DDAH1: variants seen among roughly 807,000 people sequenced by gnomAD.
DDAH1 encodes N(G),N(G)-dimethylarginine dimethylaminohydrolase 1.
A neutral mutation model predicts 28.8 loss-of-function variants in DDAH1; 19 were observed. The ratio of observed to expected loss-of-function variants is 0.66; its 90% confidence interval spans 0.46 to 0.97. The LOEUF (loss-of-function observed/expected upper bound fraction) is 0.97, where lower values mean the gene tolerates loss of function less well. DDAH1 is among the 50% of genes least tolerant of loss of function. The probability of loss-of-function intolerance (pLI) is 0.00; values close to 1 mark genes in which losing one functional copy is unlikely to be tolerated. For synonymous variants in DDAH1, 153 were observed against 154.4 expected (o/e 0.99, Z 0.07); for missense variants, 326 against 375.9 (o/e 0.87, Z 1.10).
chr1:85,540,825 T>C (rs760804190), intron 1 of DDAH1, among the ~76,000 whole-genome samples: 20 of 152,012 alleles, frequency 1.3e-4, no homozygotes, highest in Non-Finnish European at 2.8e-4. Flanking sequence ...CTGGGCGTGG[T>C]GGTGCATGCC....
intron 2 of DDAH1, among the ~76,000 whole-genome samples, chr1:85,487,184 C>G (rs1656234524): frequency 6.6e-6 from 1 of 152,144 alleles, no homozygotes; most frequent in South Asian, 2.1e-4. Context: ...GACTTCCAAC[C>G]AAGGGAAGTT....
chr1:85,476,470 G>A (rs1655809237), intron 2 of DDAH1, among the ~76,000 whole-genome samples: 2 of 152,088 alleles, frequency 1.3e-5, no homozygotes, highest in Non-Finnish European at 2.9e-5. Context: ...GTGCCTCAGT[G>A]TTGTTCAGCC....
chr1:85,505,061 C>T (rs1262541771), intron 1 of DDAH1, among the ~76,000 whole-genome samples: 1 of 131,174 alleles, frequency 7.6e-6, no homozygotes, highest in Non-Finnish European at 1.6e-5. Context: ...TCTCGGCTCA[C>T]TGCAACCTCC....
intron 4 of DDAH1, among the ~76,000 whole-genome samples, chr1:85,348,553 T>C (rs1282215378): frequency 6.6e-6 from 1 of 152,208 alleles, no homozygotes; most frequent in Non-Finnish European, 1.5e-5. Context: ...CAATGTACTT[T>C]GCTCAGTCTT....
At chr1:85,550,818 A>G (rs1053961090) in intron 1 of DDAH1, among the ~76,000 whole-genome samples, 1 of 152,186 alleles carries the variant, frequency 6.6e-6, no homozygotes, top group African/African-American at 2.4e-5. Context: ...AGGCTTAAGA[A>G]GGCAGACGTG....
At chr1:85,484,772 C>A (rs1394294360) in intron 2 of DDAH1, among the ~76,000 whole-genome samples, 1 of 152,172 alleles carries the variant, frequency 6.6e-6, no homozygotes, top group Non-Finnish European at 1.5e-5. Flanking sequence ...CGCTCAGTAA[C>A]CCTATCACCA....
chr1:85,447,964 G>C (rs1654508786), intron 1 of DDAH1: 1 of 152,260 alleles, frequency 6.6e-6, no homozygotes, highest in Non-Finnish European at 1.5e-5. Flanking sequence ...ACAGTGCTGT[G>C]TGTTCAGCAG....
chr1:85,495,878 C>T (rs932736711), intron 2 of DDAH1: 2 of 152,150 alleles, frequency 1.3e-5, no homozygotes, highest in Admixed American at 1.3e-4. Flanking sequence ...GACGCTTAAT[C>T]CTGAAATGAA....
rs11809702 is a variant in DDAH1 at position 85,334,490 on chromosome 1, G to T, written c.598-9607C>A. On this transcript the variant is annotated intron_variant, in intron 4 of 5. Coordinates refer to ENST00000284031, the MANE Select transcript of DDAH1 (RefSeq NM_012137.4). Reference sequence around the variant, plus strand: ...ATTGTAATTCCCAATGTTGGGGGAGGGACCCGGAGGGAGATGATTGGTCAT... The same window carrying T: ...ATTGTAATTCCCAATGTTGGGGGAGTGACCCGGAGGGAGATGATTGGTCAT... Among the ~76,000 whole-genome samples the T allele has an allele frequency of 4.5e-3, 685 of 152,290 alleles. 2 individuals carry two copies. Among genetic ancestry groups the T allele is most frequent in the African/African-American group, 0.016 (660 of 41,552 alleles).
intron 1 of DDAH1, among the ~76,000 whole-genome samples, chr1:85,364,633 C>T (rs1038515525): frequency 2.0e-5 from 3 of 151,938 alleles, no homozygotes; most frequent in Non-Finnish European, 4.4e-5. Flanking sequence ...CTGCAACCTT[C>T]GCCTCCCAGG....
At chr1:85,409,118 T>C (rs930338928) in intron 1 of DDAH1, among the ~76,000 whole-genome samples, 2 of 152,032 alleles carry the variant, frequency 1.3e-5, no homozygotes, top group African/African-American at 4.8e-5. Context: ...CTTAAAACAT[T>C]ATGAGATTTT....
At chr1:85,328,598 C>T (rs553062224) in intron 4 of DDAH1, among the ~76,000 whole-genome samples, 1 of 152,176 alleles carries the variant, frequency 6.6e-6, no homozygotes, top group Non-Finnish European at 1.5e-5. Flanking sequence ...GACGGTCATC[C>T]TGTCACATGA....
chr1:85,548,946 G>A (rs1367247102), intron 1 of DDAH1, among the ~76,000 whole-genome samples: 2 of 152,084 alleles, frequency 1.3e-5, no homozygotes, highest in Admixed American at 6.6e-5. Context: ...AGAGCCTGGG[G>A]TACCCTGAAA....
At chr1:85,399,713 C>T (rs925323275) in intron 1 of DDAH1, 7 of 152,204 alleles carry the variant, frequency 4.6e-5, no homozygotes, top group African/African-American at 1.4e-4. Context: ...TAATAGTTTC[C>T]TCTGTTTTAA....
intron 2 of DDAH1, among the ~76,000 whole-genome samples, chr1:85,473,233 G>A (rs1655677971): frequency 6.6e-6 from 1 of 152,184 alleles, no homozygotes; most frequent in Non-Finnish European, 1.5e-5. Context: ...CCTTTGGGTA[G>A]AAGGGGATTG....
chr1:85,326,241 C>A (rs940211370), intron 4 of DDAH1, among the ~76,000 whole-genome samples: 4 of 152,194 alleles, frequency 2.6e-5, no homozygotes, highest in Admixed American at 6.5e-5. Context: ...GAATACCCTT[C>A]ACATGGAATG....
At chr1:85,540,638 C>A (rs1658444591) in intron 1 of DDAH1, among the ~76,000 whole-genome samples, 1 of 152,128 alleles carries the variant, frequency 6.6e-6, no homozygotes, top group South Asian at 2.1e-4. Flanking sequence ...CCAGCAACTT[C>A]TTGCATGTAA....
chr1:85,340,266 A>G (rs1325243708), intron 4 of DDAH1, among the ~76,000 whole-genome samples: 8 of 152,128 alleles, frequency 5.3e-5, no homozygotes, highest in African/African-American at 1.9e-4. Context: ...CTATTCCTAA[A>G]ATGTGAATCT....
chr1:85,417,272 T>C (rs1340584904), intron 1 of DDAH1, among the ~76,000 whole-genome samples: 7 of 152,166 alleles, frequency 4.6e-5, no homozygotes, highest in Non-Finnish European at 8.8e-5. Flanking sequence ...AGCCACCTCC[T>C]GGCAGGGCTG....
Sources: allele counts gnomAD v4.1 joint callset (sites outside exome capture counted in the v4.1 genomes callset), GRCh38; gene constraint gnomAD v4.1.1; transcripts MANE v1.5; gene names NCBI Gene and HGNC (gene_info 2026-07-23, HGNC 2026-07-21).